The following KIAA1217 variants were observed in gnomAD, a reference collection of about 807,000 sequenced individuals.
The protein encoded by KIAA1217 is KIAA1217, also known as sickle tail protein homolog.
Under a neutral mutation model 163.9 loss-of-function variants are expected in KIAA1217, and 88 were observed. The observed-to-expected ratio is 0.54, with a 90% CI of 0.45 to 0.64. The LOEUF is 0.64. Ranked by LOEUF, KIAA1217 falls within the 30% of genes least tolerant of loss-of-function variation. The pLI, the probability that KIAA1217 is intolerant of heterozygous loss-of-function variation, is 0.00. For synonymous variants in KIAA1217, 903 were observed against 923.1 expected, an observed-to-expected ratio of 0.98 and a Z score of 0.39; for missense variants, 2,372 against 2,475.0, an observed-to-expected ratio of 0.96 and a Z score of 0.88.
intron 9 of KIAA1217, among the ~76,000 whole-genome samples, chr10:24,507,180 C>A (rs1025161774): frequency 6.6e-6 from 1 of 152,144 alleles, no homozygotes; most frequent in Non-Finnish European, 1.5e-5. Context: ...CTTTAAAGGA[C>A]AAAGCTGATC....
chr10:23,895,499 A>G (rs151138908), intron 1 of KIAA1217, among the ~76,000 whole-genome samples: 38,082 of 151,902 alleles, frequency 0.25, 4,887 homozygotes, highest in Middle Eastern at 0.33. Flanking sequence ...AACAACAGGT[A>G]CTGGAGAGGA....
chr10:24,031,237 A>T (rs1364740945), intron 2 of KIAA1217, among the ~76,000 whole-genome samples: 1 of 151,988 alleles, frequency 6.6e-6, no homozygotes, highest in African/African-American at 2.4e-5. Flanking sequence ...ATCCACTCTC[A>T]TGAATGTAGA....
At chr10:24,022,907 A>T (rs938993883) in intron 2 of KIAA1217, among the ~76,000 whole-genome samples, 1 of 149,418 alleles carries the variant, frequency 6.7e-6, no homozygotes, top group African/African-American at 2.5e-5. Flanking sequence ...TCAGGAACTT[A>T]AGGATATATA....
intron 5 of KIAA1217, among the ~76,000 whole-genome samples, chr10:24,451,191 C>G (rs1375890940): frequency 6.6e-6 from 1 of 152,038 alleles, no homozygotes; most frequent in African/African-American, 2.4e-5. Context: ...TGCCGTGTTG[C>G]TCATAAAAAA....
At chr10:24,463,250 C>T (rs1243769657) in intron 5 of KIAA1217, among the ~76,000 whole-genome samples, 1 of 152,202 alleles carries the variant, frequency 6.6e-6, no homozygotes, top group Non-Finnish European at 1.5e-5. Context: ...CTCTATTCTG[C>T]TCCAGATTGA....
chr10:23,929,287 A>G (rs912975057), intron 1 of KIAA1217, among the ~76,000 whole-genome samples: 9 of 152,038 alleles, frequency 5.9e-5, no homozygotes, highest in Non-Finnish European at 1.5e-5. Context: ...AAAAATATGA[A>G]CTCACTGAAA....
At position 24,544,079 on chromosome 10, in the gene KIAA1217, A is replaced by G; in HGVS notation, c.4809A>G (p.Val1603=). Residue 1603 remains valine, a synonymous_variant, in exon 19 of 21, where the codon GTA becomes GTG. Coordinates refer to ENST00000376454, the MANE Select transcript of KIAA1217 (RefSeq NM_019590.5). ...TKTGKKTLQV[V]VYEEEEEDGT... ...CAGGGAAGAAGACTTTGCAAGTGGT[A>G]GTCTATGAAGAAGAGGAAGAGGATG... is the stretch of plus-strand genomic sequence containing the variant. 6.2e-7 allele frequency: 1 copy of G among 1,614,170 alleles called. No homozygotes were observed. The highest frequency in any genetic ancestry group is 1.1e-5 in the South Asian group (1 of 91,078).
chr10:24,260,081 A>G (rs1233639670), intron 2 of KIAA1217, among the ~76,000 whole-genome samples: 1 of 152,210 alleles, frequency 6.6e-6, no homozygotes, highest in Admixed American at 6.5e-5. Context: ...AAAGAAGCAT[A>G]AAGGTTTAAG....
At chr10:23,879,946 A>G (rs979066004) in intron 1 of KIAA1217, among the ~76,000 whole-genome samples, 1 of 151,862 alleles carries the variant, frequency 6.6e-6, no homozygotes, top group Non-Finnish European at 1.5e-5. Context: ...TCCACATAAC[A>G]GGAAGGAAGG....
chr10:23,738,642 A>G (rs1361848046), intron 1 of KIAA1217, among the ~76,000 whole-genome samples: 1 of 151,830 alleles, frequency 6.6e-6, no homozygotes, highest in African/African-American at 2.4e-5. Context: ...CTTCAAATCC[A>G]AGAAGGAAAA....
chr10:23,947,535 T>G (rs891955787), intron 1 of KIAA1217, among the ~76,000 whole-genome samples: 1 of 152,260 alleles, frequency 6.6e-6, no homozygotes, highest in African/African-American at 2.4e-5. Flanking sequence ...CAAAAGTACA[T>G]TATTTTACAT....
chr10:24,324,016 C>G (rs546887285), intron 2 of KIAA1217, among the ~76,000 whole-genome samples: 8 of 152,166 alleles, frequency 5.3e-5, no homozygotes, highest in South Asian at 2.1e-4. Context: ...CCTGTAATCC[C>G]AGCAATTTGG....
intron 2 of KIAA1217, among the ~76,000 whole-genome samples, chr10:24,100,013 G>A (rs2062346017): frequency 1.3e-5 from 2 of 151,942 alleles, no homozygotes; most frequent in South Asian, 4.2e-4. Flanking sequence ...GATAAGAGGT[G>A]GCTGCAGTTG....
chr10:23,842,514 A>C (rs979687380), intron 1 of KIAA1217, among the ~76,000 whole-genome samples: 2 of 152,166 alleles, frequency 1.3e-5, no homozygotes, highest in Admixed American at 6.5e-5. Flanking sequence ...TTAATCCTTC[A>C]TCACAAACTT....
In KIAA1217 at chr10:24,474,137, C is replaced by T. The variant is rs899862315; in HGVS notation, c.1679+77C>T. ...GTGGGCAGCTCTACAGGGGTCAAAC[C>T]GACAGAATAAATGTCTGAGCACCCA... is the stretch of plus-strand genomic sequence containing the variant. On this transcript the variant is annotated intron_variant, in intron 6 of 20. Coordinates refer to ENST00000376454, the MANE Select transcript of KIAA1217 (RefSeq NM_019590.5). The T allele has an allele frequency of 4.1e-5, 43 of 1,054,526 alleles. 3 individuals are homozygous for T. The highest frequency in any genetic ancestry group is 3.5e-4 in the South Asian group (22 of 63,526). The allele number at this position is 1,054,526 out of a possible 1,614,324, so 65.3% of individuals were successfully genotyped here.
chr10:23,843,892 C>T (rs771045539), intron 1 of KIAA1217, among the ~76,000 whole-genome samples: 7 of 152,006 alleles, frequency 4.6e-5, no homozygotes, highest in South Asian at 2.1e-4. Flanking sequence ...CTTAACATTC[C>T]GTAAATAACC....
chr10:24,037,580 T>C (rs1435884218), intron 2 of KIAA1217, among the ~76,000 whole-genome samples: 1 of 152,208 alleles, frequency 6.6e-6, no homozygotes. Flanking sequence ...ATGATCTCAG[T>C]ATGGAAGTCT....
chr10:23,748,397 C>A (rs1839525684), intron 1 of KIAA1217, among the ~76,000 whole-genome samples: 1 of 151,088 alleles, frequency 6.6e-6, no homozygotes, highest in South Asian at 2.1e-4. Context: ...TTCTTAGCAT[C>A]TAGCACAGCC....
chr10:24,312,649 G>A (rs1431301360), intron 2 of KIAA1217, among the ~76,000 whole-genome samples: 2 of 152,012 alleles, frequency 1.3e-5, no homozygotes, highest in African/African-American at 4.8e-5. Flanking sequence ...GGGCATGGCG[G>A]CTCATGTCTG....
Sources: allele counts gnomAD v4.1 joint callset (sites outside exome capture counted in the v4.1 genomes callset), GRCh38; gene constraint gnomAD v4.1.1; transcripts MANE v1.5; gene names NCBI Gene and HGNC (gene_info 2026-07-23, HGNC 2026-07-21).